Variants in CACNA1C observed in about 807,000 individuals in gnomAD.
The protein encoded by CACNA1C is calcium voltage-gated channel subunit alpha1 C.
A neutral mutation model predicts 229.0 loss-of-function variants in CACNA1C; 30 were observed. That is an observed-to-expected ratio of 0.13 (90% CI 0.10 to 0.18). The LOEUF is 0.18. Ranked by LOEUF, CACNA1C falls within the 10% of genes least tolerant of loss-of-function variation. CACNA1C has a pLI of 1.00. For synonymous variants in CACNA1C, 1,114 were observed against 1,132.5 expected (o/e 0.98, Z 0.33); for missense variants, 1,658 against 2,845.0 (o/e 0.58, Z 9.49).
intron 4 of CACNA1C, among the ~76,000 whole-genome samples, chr12:2,450,420 G>A (rs1010245730): frequency 3.3e-5 from 5 of 151,690 alleles, no homozygotes; most frequent in Non-Finnish European, 7.4e-5. Flanking sequence ...CGGGCGAGGT[G>A]GCGGGCGCCT....
At chr12:2,171,409 C>A (rs1007407329) in intron 3 of CACNA1C, among the ~76,000 whole-genome samples, 1 of 152,118 alleles carries the variant, frequency 6.6e-6, no homozygotes, top group Admixed American at 6.5e-5. Flanking sequence ...GTTCTCTCCA[C>A]GTGCGAGGAG....
rs563982991 is a variant in CACNA1C at position 2,161,799 on chromosome 12, T to C, written c.477+41369T>C. On this transcript the variant is annotated intron_variant, in intron 3 of 46. Transcript: ENST00000399655. ...AGGCTGGAGACCGTATATCAAACTTTGCAAGCCCGTTTATATACCTTGCTG... is the reference window on the plus strand; with the variant it reads ...AGGCTGGAGACCGTATATCAAACTTCGCAAGCCCGTTTATATACCTTGCTG... Among the ~76,000 whole-genome samples, 10 of 152,314 alleles carry C rather than the reference T, an allele frequency of 6.6e-5. No individual in the cohort carries two copies. The South Asian group carries it at 8.3e-4, about 13-fold the overall frequency.
rs1205874463 is a variant in CACNA1C, at chr12:2,403,878, C to A, written c.478-45098C>A. 6.6e-6 allele frequency among the ~76,000 whole-genome samples: 1 copy of A among 152,190 alleles called. No homozygotes were observed. Among genetic ancestry groups the A allele is most frequent in the Non-Finnish European group, 1.5e-5 (1 of 68,038 alleles). On this transcript the variant is annotated intron_variant, in intron 3 of 46. Transcript: ENST00000399655. The surrounding 1 kb of genome is among the most constrained non-coding windows in gnomAD (Gnocchi z 4.1). ...CAGCTCTGCTCTGGGGCCCCAGGGA[C>A]TTTCTCAGAGATGCCTGTTTCCACC...
chr12:2,258,756 C>G (rs546578306), intron 3 of CACNA1C, among the ~76,000 whole-genome samples: 1 of 152,278 alleles, frequency 6.6e-6, no homozygotes, highest in South Asian at 2.1e-4. Context: ...TATTTTCTAT[C>G]TTATTATTGT....
In CACNA1C at chr12:2,581,155, A is replaced by G. The variant is rs546585562; in HGVS notation, c.1896-435A>G. 2.0e-5 allele frequency among the ~76,000 whole-genome samples: 3 copies of G among 152,204 alleles called. 1 individual carries two copies. Among genetic ancestry groups the G allele is most frequent in the South Asian group, 2.1e-4 (1 of 4,810 alleles). On this transcript the variant is annotated intron_variant, in intron 13 of 46. Transcript: ENST00000399655. ...CCAACAGTGACAACAATGATTACCA[A>G]CCTTTATCAACTATGTGCCAGGCAC...
At position 2,115,431 on chromosome 12, in the gene CACNA1C, A is replaced by G. The variant is rs768230910; in HGVS notation, c.257A>G (p.Tyr86Cys). 1.1e-5 allele frequency: 18 copies of G among 1,612,958 alleles called. No homozygotes were observed. The highest frequency in any genetic ancestry group is 1.5e-5 in the Non-Finnish European group (18 of 1,179,874). Residue 86 changes from tyrosine (Y) to cysteine (C), a missense_variant, in exon 2 of 47, where the codon TAT becomes TGT. By Grantham distance (194) the Tyr-to-Cys change is radical (BLOSUM62 -2). This residue lies in a region of CACNA1C where 111 missense variants were observed against 128.0 expected (regional missense o/e 0.87). Coordinates refer to ENST00000399655, the MANE Select transcript of CACNA1C (RefSeq NM_000719.7). ...TCCACGCAGCGGAAGCGGCAGCAAT[A>G]TGGGAAACCCAAGAAGCAGGGCAGC... ...VSSTQRKRQQYGKPKKQGSTT... is the reference protein window; with the variant it reads ...VSSTQRKRQQCGKPKKQGSTT...
intron 1 of CACNA1C, among the ~76,000 whole-genome samples, chr12:2,062,975 T>G (rs2058053591): frequency 6.6e-6 from 1 of 152,174 alleles, no homozygotes; most frequent in Admixed American, 6.5e-5. Flanking sequence ...AAATTTACCC[T>G]TTTGATGTGT....
chr12:2,373,655 G>A (rs1017476583), intron 3 of CACNA1C, among the ~76,000 whole-genome samples: 11 of 152,260 alleles, frequency 7.2e-5, no homozygotes, highest in Non-Finnish European at 8.8e-5. Context: ...TGATAGATAT[G>A]GGAACCATTG....
rs571561173 is a variant in CACNA1C at position 2,191,861 on chromosome 12, C to A, written c.477+71431C>A. 5.3e-5 allele frequency among the ~76,000 whole-genome samples: 4 copies of A among 75,284 alleles called. No homozygotes were observed. In the South Asian group the frequency reaches 2.0e-3, roughly 38 times the overall value. 49.4% of individuals were successfully genotyped at this position (75,284 alleles called of 152,430 possible). The stretch of plus-strand genomic sequence containing the variant: ...GCACACACATGCACTCACACATGTA[C>A]TCGCATACACAGGCGCACACGTACA... On this transcript the variant is annotated intron_variant, in intron 3 of 46. Transcript: ENST00000399655.
intron 1 of CACNA1C, among the ~76,000 whole-genome samples, chr12:2,033,508 T>C (rs748589504): frequency 1.8e-4 from 27 of 152,198 alleles, no homozygotes; most frequent in Non-Finnish European, 3.5e-4. Flanking sequence ...TCCTCTGGGC[T>C]ATATGTCTCC....
At chr12:2,619,783 C>G (rs562370921) in intron 29 of CACNA1C, among the ~76,000 whole-genome samples, 1 of 152,104 alleles carries the variant, frequency 6.6e-6, no homozygotes, top group Non-Finnish European at 1.5e-5. Flanking sequence ...TCACCAACAA[C>G]CCCCAAAATA....
At chr12:2,613,736 G>A (rs2079034940) in intron 29 of CACNA1C, 1 of 152,486 alleles carries the variant, frequency 6.6e-6, no homozygotes, top group African/African-American at 2.4e-5. Context: ...CGGTGTCTGT[G>A]CCCACACATG....
intron 3 of CACNA1C, among the ~76,000 whole-genome samples, chr12:2,205,350 G>A (rs1324363318): frequency 6.6e-6 from 1 of 152,172 alleles, no homozygotes; most frequent in African/African-American, 2.4e-5. Context: ...TGGGTACAGG[G>A]AGGAGGGGGA....
chr12:2,549,763 G>A (rs1041530920), intron 9 of CACNA1C, among the ~76,000 whole-genome samples, 180 bp from the exon 10 acceptor site: 1 of 152,162 alleles, frequency 6.6e-6, no homozygotes, highest in Admixed American at 6.5e-5. Flanking sequence ...AACCTGCCTG[G>A]ACAACCAGCA....
At chr12:2,209,251 C>G (rs867093618) in intron 3 of CACNA1C, among the ~76,000 whole-genome samples, 1 of 152,248 alleles carries the variant, frequency 6.6e-6, no homozygotes. Context: ...ATCCTAAAAA[C>G]CTGTGTAAGC....
chr12:2,492,518 A>C (rs1276850690), intron 6 of CACNA1C, among the ~76,000 whole-genome samples: 1 of 152,226 alleles, frequency 6.6e-6, no homozygotes, highest in Non-Finnish European at 1.5e-5. Flanking sequence ...AGTAGCGTGT[A>C]CTCACAGGCT....
chr12:2,135,545 G>A lies in CACNA1C; in HGVS notation c.477+15115G>A, dbSNP rs993990994. Among the ~76,000 whole-genome samples, 4 of 131,604 alleles carry A rather than the reference G, an allele frequency of 3.0e-5. 1 individual carries two copies. The highest frequency in any genetic ancestry group is 7.4e-5 in the Admixed American group (1 of 13,458). The allele number at this position is 131,604 out of a possible 152,430, so 86.3% of individuals were successfully genotyped here. The stretch of plus-strand genomic sequence containing the variant: ...CTAACAGACAGGACCCTCAGCTGCA[G>A]GTCTGTTGGAGTACCCTGCTGTGAG... On this transcript the variant is annotated intron_variant, in intron 3 of 46. Transcript: ENST00000399655.
chr12:2,618,887 T>G (rs997180006), intron 29 of CACNA1C, among the ~76,000 whole-genome samples: 1 of 152,246 alleles, frequency 6.6e-6, no homozygotes, highest in Non-Finnish European at 1.5e-5. Flanking sequence ...ATGACATTGC[T>G]GGCTGAAATG....
At chr12:2,207,858 C>T (rs2154333836) in intron 3 of CACNA1C, among the ~76,000 whole-genome samples, 1 of 151,818 alleles carries the variant, frequency 6.6e-6, no homozygotes, top group African/African-American at 2.4e-5. Context: ...GAGAAATTGG[C>T]TAGCGTTTCC....
Sources: gnomAD v4.1 joint callset for allele counts (sites outside exome capture counted in the v4.1 genomes callset) on GRCh38, gnomAD v4.1.1 for gene constraint, gnomAD v4.1.1 regional missense constraint, Gnocchi (gnomAD v3.1) non-coding constraint, MANE v1.5 for transcripts, NCBI Gene and HGNC (gene_info 2026-07-23, HGNC 2026-07-21) for gene names.